Variants in SNAP25 observed in about 807,000 individuals in gnomAD.
SNAP25 encodes the protein synaptosome associated protein 25.
SNAP25 carries 3 observed loss-of-function variants against 28.7 expected under a neutral mutation model. The ratio of observed to expected loss-of-function variants is 0.10; its 90% CI spans 0.05 to 0.27. The LOEUF (loss-of-function observed/expected upper bound fraction) is 0.27, where lower values mean the gene tolerates loss of function less well. SNAP25 is among the 10% of genes least tolerant of loss of function. The pLI is 1.00. For synonymous variants in SNAP25, 61 were observed against 88.1 expected (o/e 0.69, Z 1.72); for missense variants, 117 against 278.7 (o/e 0.42, Z 4.13).
rs368653491 is a variant in SNAP25 at position 10,242,844 on chromosome 20, AAGG to A, written c.-64+23870_-64+23872del. Among the ~76,000 whole-genome samples, 541 of 152,354 alleles carry A rather than the reference AAGG, an allele frequency of 3.6e-3. 2 individuals carry two copies. The highest frequency in any genetic ancestry group is 0.012 in the African/African-American group (494 of 41,582). The stretch of plus-strand genomic sequence containing the variant: ...CTAAATATCCATTTAGCCAGCATAA[AAGG>A]AGATTAGGATTAGGTGCACTTAATC... On this transcript the variant is annotated intron_variant, in intron 1 of 7. Transcript: ENST00000254976.
chr20:10,301,873 AATATATAATATATATATTATATG>A (rs1425138700), intron 7 of SNAP25, among the ~76,000 whole-genome samples: 2 of 144,616 alleles, frequency 1.4e-5, no homozygotes, highest in African/African-American at 2.6e-5. Context: ...TATATTATAT[AATATATAATATATATATTATATG>A]TATATGGTTA....
At chr20:10,288,143 AAAACTT>A (rs2063921782) in intron 4 of SNAP25, among the ~76,000 whole-genome samples, 1 of 152,144 alleles carries the variant, frequency 6.6e-6, no homozygotes, top group Non-Finnish European at 1.5e-5. Flanking sequence ...CATGTACCCT[AAAACTT>A]AAAGTATAAT....
intron 1 of SNAP25, among the ~76,000 whole-genome samples, chr20:10,248,556 G>T (rs1051060941): frequency 6.6e-6 from 1 of 152,148 alleles, no homozygotes; most frequent in Non-Finnish European, 1.5e-5. Flanking sequence ...ATGTCAGAAT[G>T]TCTGCTAACT....
intron 1 of SNAP25, among the ~76,000 whole-genome samples, chr20:10,223,496 T>C (rs2062672577): frequency 6.6e-6 from 1 of 152,180 alleles, no homozygotes; most frequent in Non-Finnish European, 1.5e-5. Flanking sequence ...AACATTTTTA[T>C]ATCCAAGCTG....
Position 10,297,208 on chromosome 20 carries a change from T to C in SNAP25, c.407+158T>C, listed in dbSNP as rs145566641. Among the ~76,000 whole-genome samples the C allele has an allele frequency of 6.7e-3, 1,013 of 152,288 alleles. 9 individuals carry two copies. The highest frequency in any genetic ancestry group is 0.014 in the Middle Eastern group (4 of 294). ...AAGCCTTTCCTGGACCTTGCCTGGGTGGGGTGATCCAAGATGGCCCCATTC... is the reference window on the plus strand; with the variant it reads ...AAGCCTTTCCTGGACCTTGCCTGGGCGGGGTGATCCAAGATGGCCCCATTC... On this transcript the variant is annotated intron_variant, in intron 6 of 7. Transcript: ENST00000254976.
In SNAP25 at chr20:10,274,161, T is replaced by C. The variant is rs376908008; in HGVS notation, c.-63-1268T>C. Among the ~76,000 whole-genome samples the C allele has an allele frequency of 4.9e-4, 74 of 152,264 alleles. No individual in the cohort carries two copies. In the South Asian group the frequency reaches 0.013, roughly 27 times the overall value. On this transcript the variant is annotated intron_variant, in intron 1 of 7. Coordinates refer to ENST00000254976, the MANE Select transcript of SNAP25 (RefSeq NM_130811.4). ...GAGAAGGAAGGAGGAAGGAGGGCTC[T>C]CTCCGGAATAGACCCAGTCCTTGTA...
chr20:10,303,619 A>G (rs915602652), intron 7 of SNAP25, among the ~76,000 whole-genome samples: 44 of 152,256 alleles, frequency 2.9e-4, no homozygotes, highest in African/African-American at 9.4e-4. Flanking sequence ...GTTTCCCCAC[A>G]CTGCCTGGCA....
intron 1 of SNAP25, among the ~76,000 whole-genome samples, chr20:10,256,755 A>G (rs1265501116): frequency 6.6e-6 from 1 of 152,142 alleles, no homozygotes; most frequent in South Asian, 2.1e-4. Context: ...AGGAAAGGAA[A>G]GGCTGGGGAA....
chr20:10,279,579 A>T (rs925546347), intron 3 of SNAP25, among the ~76,000 whole-genome samples: 1 of 152,214 alleles, frequency 6.6e-6, no homozygotes, highest in African/African-American at 2.4e-5. Context: ...TCACTTTTTC[A>T]TGTATCGTCT....
At chr20:10,226,913 G>A (rs2062743549) in intron 1 of SNAP25, among the ~76,000 whole-genome samples, 2 of 152,168 alleles carry the variant, frequency 1.3e-5, no homozygotes, top group South Asian at 4.2e-4. Context: ...ACCACTTTCT[G>A]CCGCTCATGG....
chr20:10,252,306 G>C lies in SNAP25; in HGVS notation c.-63-23123G>C, dbSNP rs143535522. 2.7e-3 allele frequency among the ~76,000 whole-genome samples: 411 copies of C among 152,306 alleles called. 3 individuals carry two copies. Among genetic ancestry groups the C allele is most frequent in the Non-Finnish European group, 4.5e-3 (303 of 68,006 alleles). On this transcript the variant is annotated intron_variant, in intron 1 of 7. Coordinates refer to ENST00000254976, the MANE Select transcript of SNAP25 (RefSeq NM_130811.4). ...GAACAAAGATTTATATGGTCAGTCA[G>C]GAAAGGGAGGTTAAAAAAATTTGTT...
chr20:10,294,451 C>T (rs977971689), intron 5 of SNAP25, among the ~76,000 whole-genome samples: 7 of 152,166 alleles, frequency 4.6e-5, no homozygotes, highest in African/African-American at 1.7e-4. Flanking sequence ...CTCTTGCTCC[C>T]TTCCATTTTT....
chr20:10,264,349 G>A (rs1195084923), intron 1 of SNAP25, among the ~76,000 whole-genome samples: 1 of 152,142 alleles, frequency 6.6e-6, no homozygotes, highest in Non-Finnish European at 1.5e-5. Context: ...GGAATGGTGT[G>A]GGGTGGAATG....
rs180862947 is a variant in SNAP25 at position 10,221,078 on chromosome 20, G to A, written c.-64+2101G>A. On this transcript the variant is annotated intron_variant, in intron 1 of 7. Transcript: ENST00000254976. ...GACAAAAATAAACAACTGTGTTTTA[G>A]TAGTGGAGGAGAGAAAATATGGGCA... Among the ~76,000 whole-genome samples the A allele has an allele frequency of 4.0e-3, 609 of 152,338 alleles. 2 individuals carry two copies. Among genetic ancestry groups the A allele is most frequent in the Non-Finnish European group, 5.5e-3 (372 of 68,034 alleles).
chr20:10,251,745 C>T (rs1313174724), intron 1 of SNAP25, among the ~76,000 whole-genome samples: 1 of 152,134 alleles, frequency 6.6e-6, no homozygotes, highest in Non-Finnish European at 1.5e-5. Context: ...CTGTTTTCAT[C>T]GTATATCCCC....
chr20:10,306,469 G>A lies in SNAP25; in HGVS notation c.*272G>A, dbSNP rs111458567. 495 of 332,264 alleles carry A rather than the reference G, an allele frequency of 1.5e-3. 3 individuals carry two copies. The highest frequency in any genetic ancestry group is 9.0e-3 in the African/African-American group (419 of 46,566). The allele number at this position is 332,264 out of a possible 1,614,324, so 20.6% of individuals were successfully genotyped here. A position where few individuals can be genotyped will look rare whatever the true frequency, so the allele number is the denominator to read the frequency against. The stretch of plus-strand genomic sequence containing the variant: ...GTTTCATTTTTCATTTTCTCTCCTC[G>A]GTGGCATTTGCTGAATAACAACAAT... On this transcript the variant is annotated 3_prime_UTR_variant, in exon 8 of 8. Coordinates refer to ENST00000254976, the MANE Select transcript of SNAP25 (RefSeq NM_130811.4).
intron 1 of SNAP25, among the ~76,000 whole-genome samples, chr20:10,232,555 C>T (rs1352556117): frequency 1.3e-5 from 2 of 152,210 alleles, no homozygotes; most frequent in Non-Finnish European, 2.9e-5. Flanking sequence ...GTTTCTTTCA[C>T]CTTTCTGTGC....
intron 1 of SNAP25, among the ~76,000 whole-genome samples, chr20:10,249,115 G>A (rs1207023701): frequency 6.6e-6 from 1 of 152,218 alleles, no homozygotes; most frequent in East Asian, 1.9e-4. Context: ...TACTTCATTT[G>A]ATAGCTCGTG....
At chr20:10,223,492 T>C (rs978425324) in intron 1 of SNAP25, among the ~76,000 whole-genome samples, 1 of 152,148 alleles carries the variant, frequency 6.6e-6, no homozygotes, top group Non-Finnish European at 1.5e-5. Context: ...GGATAACATT[T>C]TTATATCCAA....
Sources: allele counts gnomAD v4.1 joint callset (sites outside exome capture counted in the v4.1 genomes callset), GRCh38; gene constraint gnomAD v4.1.1; transcripts MANE v1.5; gene names NCBI Gene and HGNC (gene_info 2026-07-23, HGNC 2026-07-21).